CEP192: variants seen among roughly 807,000 people sequenced by gnomAD.
CEP192 encodes the protein centrosomal protein 192, also known as centrosomal protein of 192 kDa.
A neutral mutation model predicts 271.8 loss-of-function variants in CEP192; 151 were observed. That is an observed-to-expected ratio of 0.56 (90% confidence interval 0.49 to 0.64). The LOEUF is 0.64. Ranked by LOEUF, CEP192 falls within the 30% of genes least tolerant of loss-of-function variation. CEP192 has a pLI of 0.00. For synonymous variants in CEP192, 995 were observed against 1,076.5 expected, an observed-to-expected ratio of 0.92 and a Z score of 1.48; for missense variants, 2,910 against 3,020.5, an observed-to-expected ratio of 0.96 and a Z score of 0.86.
rs1293207329 is a variant in CEP192, at chr18:13,071,166, AACAAACAATT to A, written c.5303_5312del (p.Asn1768IlefsTer9). ...CTTAGATATTCCATCGATTTTGTCC[AACAAACAATT>A]TCTGGCTTGGGGAGGAGTCCCTCTA... On this transcript the variant is annotated frameshift_variant, in exon 28 of 45. Transcript: ENST00000506447. LOFTEE classifies it high-confidence loss of function. 1 of 1,614,200 alleles carries A rather than the reference AACAAACAATT, an allele frequency of 6.2e-7. No individual in the cohort carries two copies. Among genetic ancestry groups the A allele is most frequent in the Non-Finnish European group, 8.5e-7 (1 of 1,180,016 alleles).
intron 3 of CEP192, among the ~76,000 whole-genome samples, chr18:13,004,371 A>C (rs1329183845): frequency 6.6e-6 from 1 of 152,072 alleles, no homozygotes; most frequent in Non-Finnish European, 1.5e-5. Flanking sequence ...GGAAAGGGTA[A>C]AACTTGCTGA....
At chr18:13,024,612 A>G (rs1052673849) in intron 9 of CEP192, among the ~76,000 whole-genome samples, 5 of 150,310 alleles carry the variant, frequency 3.3e-5, no homozygotes, top group African/African-American at 4.9e-5. Context: ...ACAGGCATGC[A>G]CCACCATGCC....
At chr18:13,052,488 T>G (rs1338495399) in intron 17 of CEP192, among the ~76,000 whole-genome samples, 1 of 152,240 alleles carries the variant, frequency 6.6e-6, no homozygotes, top group Non-Finnish European at 1.5e-5. Flanking sequence ...TGATATGTAC[T>G]GCTTAATTGC....
chr18:13,092,146 A>T (rs904166844), intron 33 of CEP192, among the ~76,000 whole-genome samples: 1 of 152,250 alleles, frequency 6.6e-6, no homozygotes, highest in East Asian at 1.9e-4. Flanking sequence ...AAAGTCACAA[A>T]GTAAATGAGT....
At chr18:13,064,611 C>CAAA (rs552202874) in intron 21 of CEP192, among the ~76,000 whole-genome samples, 4 of 64,492 alleles carry the variant, frequency 6.2e-5, no homozygotes, top group East Asian at 4.2e-4. Flanking sequence ...GACTCCATCT[C>CAAA]AAAAAAAAAA....
chr18:13,087,264 A>G lies in CEP192; in HGVS notation c.5864A>G (p.Glu1955Gly). 6.2e-7 allele frequency: 1 copy of G among 1,604,184 alleles called. No homozygotes were observed. Among genetic ancestry groups the G allele is most frequent in the Admixed American group, 1.7e-5 (1 of 59,664 alleles). Reference sequence around the variant, plus strand: ...TTTCCAGATAAATTTGTACTCAAGGAAAGAACACAAGAAGTAAGTACAAAA... The same window carrying G: ...TTTCCAGATAAATTTGTACTCAAGGGAAGAACACAAGAAGTAAGTACAAAA... ...RIFPDKFVLK[E>G]RTQENVTLIY... Residue 1955 changes from glutamate (E) to glycine (G), a missense_variant, in exon 31 of 45, where the codon GAA (glutamate) becomes GGA (glycine). Coordinates refer to ENST00000506447, the MANE Select transcript of CEP192 (RefSeq NM_032142.4).
chr18:13,014,881 C>T (rs1265908484), intron 5 of CEP192, among the ~76,000 whole-genome samples: 2 of 152,122 alleles, frequency 1.3e-5, no homozygotes, highest in Admixed American at 6.5e-5. Context: ...TAAATGGCTG[C>T]GTGCCCTTTA....
At chr18:13,122,954 G>T (rs2040742144) in intron 44 of CEP192, among the ~76,000 whole-genome samples, 1 of 152,134 alleles carries the variant, frequency 6.6e-6, no homozygotes, top group Non-Finnish European at 1.5e-5. Flanking sequence ...ATTAAATGTT[G>T]TGGTTCTTTC....
chr18:13,069,254 T>G, intron 26 of CEP192, 73 bp downstream of exon 26: 1 of 1,281,184 alleles, frequency 7.8e-7, no homozygotes, highest in Non-Finnish European at 1.1e-6. Context: ...TTCTGCAGGC[T>G]GTTGTGCTCT....
intron 6 of CEP192, among the ~76,000 whole-genome samples, chr18:13,016,871 C>T (rs1380217292): frequency 6.6e-6 from 1 of 152,100 alleles, no homozygotes; most frequent in African/African-American, 2.4e-5. Context: ...TAACCATTTG[C>T]CACACCATTT....
rs535307794 is a variant in CEP192, at chr18:13,068,945, G to A, written c.4916G>A (p.Arg1639Gln). ...CCCGTTCTTAGAAGTGTGAGTCTCC[G>A]AGCAAGAGCAGGAATAGCTAGGATC... is the stretch of plus-strand genomic sequence containing the variant. Reference protein sequence around the residue: ...PTPVLRSVSLRARAGIARIHA... With the variant: ...PTPVLRSVSLQARAGIARIHA... Residue 1639 changes from arginine (R) to glutamine (Q), a missense_variant, in exon 25 of 45, where the codon CGA becomes CAA. By Grantham distance (43) the Arg-to-Gln change is conservative. Transcript: ENST00000506447. 1.2e-5 allele frequency: 20 copies of A among 1,614,140 alleles called. No homozygotes were observed. The highest frequency in any genetic ancestry group is 5.0e-5 in the Admixed American group (3 of 60,018).
At chr18:13,062,100 C>T (rs1304747466) in intron 21 of CEP192, among the ~76,000 whole-genome samples, 1 of 152,168 alleles carries the variant, frequency 6.6e-6, no homozygotes, top group East Asian at 1.9e-4. Context: ...CTGGTGTGCT[C>T]ATTGGAATCA....
chr18:13,118,759 G>A (rs866580565), intron 44 of CEP192, among the ~76,000 whole-genome samples: 7 of 152,306 alleles, frequency 4.6e-5, no homozygotes, highest in South Asian at 2.1e-4. Context: ...TGTAAGAGAC[G>A]TGGTAATAAT....
chr18:13,079,716 C>G (rs1330004172), intron 30 of CEP192, among the ~76,000 whole-genome samples: 1 of 152,192 alleles, frequency 6.6e-6, no homozygotes, highest in Non-Finnish European at 1.5e-5. Context: ...TTGCCCATAC[C>G]TATGTCCTAA....
At chr18:13,055,279 C>CAA (rs34080432) in intron 18 of CEP192, among the ~76,000 whole-genome samples, 4,259 of 97,532 alleles carry the variant, frequency 0.044, 85 homozygotes, top group Middle Eastern at 0.077. Flanking sequence ...GACTCTGTCT[C>CAA]AAAAAAAAAA....
intron 34 of CEP192, 101 bp from the exon 35 acceptor site, chr18:13,095,402 A>C: frequency 1.1e-6 from 1 of 880,430 alleles, no homozygotes; most frequent in Non-Finnish European, 1.8e-6. Flanking sequence ...TAGATTTATG[A>C]AGAATATAAA....
rs1223532979 is a variant in CEP192 at position 13,113,509 on chromosome 18, A to G, written c.7048-77A>G. 9.2e-6 allele frequency: 13 copies of G among 1,414,750 alleles called. No individual in the cohort carries two copies. In the African/African-American group the frequency reaches 1.7e-4, roughly 19 times the overall value. 87.6% of individuals were successfully genotyped at this position (1,414,750 alleles called of 1,614,324 possible). On this transcript the variant is annotated intron_variant, in intron 40 of 44. Coordinates refer to ENST00000506447, the MANE Select transcript of CEP192 (RefSeq NM_032142.4). ...GTTCCTTTAATTTTTTTCATACCAA[A>G]TCTTTGAACTGGTGATCTAGCTAAC...
intron 19 of CEP192, 144 bp from the exon 20 acceptor site, chr18:13,057,441 C>T: frequency 2.5e-6 from 2 of 808,922 alleles, no homozygotes; most frequent in Non-Finnish European, 1.8e-6. Flanking sequence ...CATGCAACAT[C>T]AAGGACTCCT....
At chr18:13,056,990 T>C (rs1477418173) in intron 19 of CEP192, among the ~76,000 whole-genome samples, 3 of 152,194 alleles carry the variant, frequency 2.0e-5, no homozygotes, top group Admixed American at 6.5e-5. Flanking sequence ...CAGTTTAGAA[T>C]TGAATCCCAG....
Sources: allele counts gnomAD v4.1 joint callset (sites outside exome capture counted in the v4.1 genomes callset), GRCh38; gene constraint gnomAD v4.1.1; transcripts MANE v1.5; gene names NCBI Gene and HGNC (gene_info 2026-07-23, HGNC 2026-07-21).